Variants in VIPR2 observed in about 807,000 individuals in gnomAD.
VIPR2 encodes vasoactive intestinal polypeptide receptor 2.
VIPR2 carries 48 observed loss-of-function variants against 58.0 expected under a neutral mutation model. The observed-to-expected ratio is 0.83, with a 90% CI of 0.66 to 1.05. VIPR2 has a LOEUF of 1.05. Ranked by LOEUF, VIPR2 falls within the 50% of genes least tolerant of loss-of-function variation. The probability of loss-of-function intolerance (pLI) is 0.00; values close to 1 mark genes in which losing one functional copy is unlikely to be tolerated. For synonymous variants in VIPR2, 243 were observed against 235.2 expected (o/e 1.03, Z -0.30); for missense variants, 534 against 558.0 (o/e 0.96, Z 0.43).
In VIPR2 at chr7:159,036,797, G is replaced by A. The variant is rs149197032; in HGVS notation, c.703C>T (p.Leu235Phe). 1.1e-4 allele frequency: 172 copies of A among 1,613,940 alleles called. 1 individual carries two copies. In the African/African-American group the frequency reaches 2.1e-3, roughly 19 times the overall value. The change falls in exon 7 of 13, where the codon CTC (leucine) becomes TTC (phenylalanine). Residue 235 changes from leucine to phenylalanine, a missense_variant. Coordinates refer to ENST00000262178, the MANE Select transcript of VIPR2 (RefSeq NM_003382.5). Reference protein sequence around the residue: ...LYLHTLLVAMLPPRRCFLAYL... With the variant: ...LYLHTLLVAMFPPRRCFLAYL... ...GCCAGGAAGCACCTTCTAGGGGGGAGCATGGCCACCAGGAGGGTGTGGAGG... is the reference window on the plus strand; with the variant it reads ...GCCAGGAAGCACCTTCTAGGGGGGAACATGGCCACCAGGAGGGTGTGGAGG...
At position 159,041,389 on chromosome 7, in the gene VIPR2, G is replaced by C. The variant is rs565675429; in HGVS notation, c.597+1646C>G. 3.3e-5 allele frequency among the ~76,000 whole-genome samples: 5 copies of C among 152,330 alleles called. No homozygotes were observed. The East Asian group carries it at 7.7e-4, about 24-fold the overall frequency. On this transcript the variant is annotated intron_variant, in intron 6 of 12. Coordinates refer to ENST00000262178, the MANE Select transcript of VIPR2 (RefSeq NM_003382.5). ...ACTTTCCATGTTGCAGGTCCTCCAG[G>C]GTCCGCTGGGGTCCACTGAGGGTCT...
rs143216304 is a variant in VIPR2, at chr7:159,060,095, C to A, written c.358-1517G>T. Among the ~76,000 whole-genome samples the A allele has an allele frequency of 3.7e-3, 555 of 150,194 alleles. 3 individuals are homozygous for A. Among genetic ancestry groups the A allele is most frequent in the Non-Finnish European group, 5.2e-3 (348 of 67,432 alleles). On this transcript the variant is annotated intron_variant, in intron 4 of 12. Coordinates refer to ENST00000262178, the MANE Select transcript of VIPR2 (RefSeq NM_003382.5). Reference sequence around the variant, plus strand: ...CATCTTCACCTCACCTAACCACTAACCTCACCTCACCTAATCACCACCTTC... The same window carrying A: ...CATCTTCACCTCACCTAACCACTAAACTCACCTCACCTAATCACCACCTTC...
At chr7:159,059,525 T>C (rs1855511794) in intron 4 of VIPR2, among the ~76,000 whole-genome samples, 1 of 152,246 alleles carries the variant, frequency 6.6e-6, no homozygotes, top group Admixed American at 6.5e-5. Context: ...GTTTGGCTCT[T>C]AAGTATAACT....
chr7:159,144,586 C>G, intron 1 of VIPR2, 135 bp downstream of exon 1: 1 of 1,397,118 alleles, frequency 7.2e-7, no homozygotes, highest in Non-Finnish European at 9.4e-7. Context: ...CCCGGGCGAC[C>G]CCGCTCCCTC....
chr7:159,043,321 T>C (rs1373697596), intron 5 of VIPR2, 145 bp from the exon 6 acceptor site: 1 of 689,646 alleles, frequency 1.5e-6, no homozygotes, highest in Admixed American at 3.9e-5. Flanking sequence ...GATTTCACCA[T>C]GAATGGCAAC....
In VIPR2 at chr7:159,128,135, C is replaced by T. The variant is rs943290124; in HGVS notation, c.151+14311G>A. Among the ~76,000 whole-genome samples the T allele has an allele frequency of 1.3e-5, 2 of 152,118 alleles. No homozygotes were observed. The highest frequency in any genetic ancestry group is 2.9e-5 in the Non-Finnish European group (2 of 68,010). On this transcript the variant is annotated intron_variant, in intron 2 of 12. Coordinates refer to ENST00000262178, the MANE Select transcript of VIPR2 (RefSeq NM_003382.5). The surrounding 1 kb of genome is among the most constrained non-coding windows in gnomAD (Gnocchi z 4.1). Reference sequence around the variant, plus strand: ...CCTTCAGGCTCCTGCTGCCTCTGCCCCTGAGGGATGTGACGGGGGTGGGGG... The same window carrying T: ...CCTTCAGGCTCCTGCTGCCTCTGCCTCTGAGGGATGTGACGGGGGTGGGGG...
intron 2 of VIPR2, among the ~76,000 whole-genome samples, chr7:159,138,490 A>T (rs1481195224): frequency 6.6e-6 from 1 of 152,246 alleles, no homozygotes; most frequent in East Asian, 1.9e-4. Context: ...CATTGTTTGT[A>T]GTAGCAAAAT....
intron 6 of VIPR2, among the ~76,000 whole-genome samples, chr7:159,038,623 C>G (rs907420909): frequency 6.6e-6 from 1 of 152,014 alleles, no homozygotes; most frequent in African/African-American, 2.4e-5. Flanking sequence ...GAGTTAGTCA[C>G]CCATCGGGAT....
At chr7:159,038,044 A>T (rs946626596) in intron 6 of VIPR2, among the ~76,000 whole-genome samples, 1 of 152,188 alleles carries the variant, frequency 6.6e-6, no homozygotes, top group African/African-American at 2.4e-5. Flanking sequence ...GGGTGAATAT[A>T]CTTTTTTATA....
intron 3 of VIPR2, among the ~76,000 whole-genome samples, chr7:159,106,927 GCAGAGAGATCAGGGAGGTA>G (rs1266411269): frequency 1.3e-5 from 2 of 148,288 alleles, no homozygotes; most frequent in East Asian, 4.1e-4. Flanking sequence ...CCAGGGAGGT[GCAGAGAGATCAGGGAGGTA>G]CAGAGAGAGG....
intron 5 of VIPR2, among the ~76,000 whole-genome samples, chr7:159,056,571 T>A (rs1855339900): frequency 6.6e-6 from 1 of 152,098 alleles, no homozygotes; most frequent in Non-Finnish European, 1.5e-5. Flanking sequence ...ACAAAGCTGG[T>A]CCTGTATTTG....
chr7:159,114,780 A>G (rs1796172316), intron 2 of VIPR2, among the ~76,000 whole-genome samples: 1 of 151,012 alleles, frequency 6.6e-6, no homozygotes, highest in Admixed American at 6.6e-5. Context: ...GTCTCAAAGA[A>G]AAAAAAGAGG....
chr7:159,033,002 C>T (rs1359162702), intron 10 of VIPR2, among the ~76,000 whole-genome samples: 5 of 151,866 alleles, frequency 3.3e-5, no homozygotes, highest in African/African-American at 7.3e-5. Flanking sequence ...CAAGCAGAGA[C>T]GGGATACTCC....
rs765086847 is a variant in VIPR2, at chr7:159,030,813, C to A, written c.1144-24G>T. ...ACCTGGGAGGTGAGGGCAGCGGGAA[C>A]GCCCGTGAGCCTGGGCAGGTGCGGG... On this transcript the variant is annotated intron_variant, in intron 12 of 12. Coordinates refer to ENST00000262178, the MANE Select transcript of VIPR2 (RefSeq NM_003382.5). The A allele has an allele frequency of 1.3e-6, 2 of 1,536,226 alleles. 1 individual carries two copies. Among genetic ancestry groups the A allele is most frequent in the South Asian group, 2.5e-5 (2 of 81,392 alleles).
At chr7:159,091,359 C>T (rs533585041) in intron 4 of VIPR2, among the ~76,000 whole-genome samples, 8 of 152,334 alleles carry the variant, frequency 5.3e-5, no homozygotes, top group African/African-American at 1.4e-4. Flanking sequence ...GGTCATGCAG[C>T]GCCTTATCCC....
chr7:159,092,058 C>T (rs3793226), intron 4 of VIPR2, among the ~76,000 whole-genome samples: 20,720 of 152,256 alleles, frequency 0.14, 1,696 homozygotes, highest in Non-Finnish European at 0.17. Context: ...TGCCGCTGAA[C>T]TCCTGGGCAG....
intron 5 of VIPR2, among the ~76,000 whole-genome samples, chr7:159,058,143 T>G (rs1032677659): frequency 3.3e-5 from 5 of 152,182 alleles, no homozygotes; most frequent in African/African-American, 1.2e-4. Context: ...ATCTCTCTAA[T>G]AGAGCACCTA....
intron 1 of VIPR2, among the ~76,000 whole-genome samples, chr7:159,143,438 C>T (rs1329144566): frequency 6.6e-6 from 1 of 151,276 alleles, no homozygotes; most frequent in Non-Finnish European, 1.5e-5. Flanking sequence ...TACTGTTGGG[C>T]GTACTATGGC....
chr7:159,056,101 C>T (rs532009692), intron 5 of VIPR2, among the ~76,000 whole-genome samples: 1 of 152,212 alleles, frequency 6.6e-6, no homozygotes. Context: ...CACTCTCCAC[C>T]TGGAGAAACT....
Sources: allele counts gnomAD v4.1 joint callset (sites outside exome capture counted in the v4.1 genomes callset), GRCh38; gene constraint gnomAD v4.1.1; non-coding constraint Gnocchi (gnomAD v3.1); transcripts MANE v1.5; gene names NCBI Gene and HGNC (gene_info 2026-07-23, HGNC 2026-07-21).